Variants in MYO7B observed in about 807,000 individuals in gnomAD.
MYO7B encodes unconventional myosin-VIIb.
Under a neutral mutation model 259.7 loss-of-function variants are expected in MYO7B, and 212 were observed. The ratio of observed to expected loss-of-function variants is 0.82; its 90% confidence interval spans 0.73 to 0.91. The LOEUF (loss-of-function observed/expected upper bound fraction) is 0.91, where lower values mean the gene tolerates loss of function less well. MYO7B is among the 40% of genes least tolerant of loss of function. The pLI is 0.00. For missense variants in MYO7B, 2,732 were observed against 2,813.5 expected (o/e 0.97, Z 0.66); for synonymous variants, 1,197 against 1,166.4 (o/e 1.03, Z -0.54).
intron 1 of MYO7B, among the ~76,000 whole-genome samples, chr2:127,541,414 C>T (rs1460310496): frequency 6.6e-6 from 1 of 152,212 alleles, no homozygotes; most frequent in Admixed American, 6.5e-5. Flanking sequence ...GTAAACCAAG[C>T]ATTTTAGTGC....
In MYO7B at chr2:127,596,286, T is replaced by A. The variant is rs1387023438; in HGVS notation, c.2245-176T>A. ...AGTTCTTGGATTGGGGTGGGAGGTA[T>A]AGTTGCAGCTCCTGTCTCTGAGCAA... On this transcript the variant is annotated intron_variant, in intron 18 of 47. Coordinates refer to ENST00000409816, the MANE Select transcript of MYO7B (RefSeq NM_001393586.1). 2.0e-5 allele frequency among the ~76,000 whole-genome samples: 3 copies of A among 152,172 alleles called. No homozygotes were observed. The East Asian group carries it at 5.8e-4, about 29-fold the overall frequency.
rs556159298 is a variant in MYO7B, at chr2:127,607,554, C to T, written c.2643+130C>T. ...TTGGAAAATCCCCCCGCCCCCGCCACAAGCCAAGACGTTAAAATCTGTTCA... is the reference window on the plus strand; with the variant it reads ...TTGGAAAATCCCCCCGCCCCCGCCATAAGCCAAGACGTTAAAATCTGTTCA... On this transcript the variant is annotated intron_variant, in intron 21 of 47. Transcript: ENST00000409816. The surrounding 1 kb of genome is among the most constrained non-coding windows in gnomAD (Gnocchi z 4.4). The T allele has an allele frequency of 1.3e-6, 1 of 748,072 alleles. No homozygotes were observed. Among genetic ancestry groups the T allele is most frequent in the African/African-American group, 1.8e-5 (1 of 56,608 alleles). The allele number at this position is 748,072 out of a possible 1,614,324, so 46.3% of individuals were successfully genotyped here.
chr2:127,557,599 CT>C (rs1677884592), intron 1 of MYO7B, among the ~76,000 whole-genome samples: 1 of 152,134 alleles, frequency 6.6e-6, no homozygotes, highest in Non-Finnish European at 1.5e-5. Context: ...GGGTGTTCCC[CT>C]GATGTAGTAC....
chr2:127,556,384 T>A (rs1186439413), intron 1 of MYO7B, among the ~76,000 whole-genome samples: 2 of 152,238 alleles, frequency 1.3e-5, no homozygotes, highest in Admixed American at 6.5e-5. Flanking sequence ...ATTTAGGCCA[T>A]TTACATTCAA....
Position 127,629,625 on chromosome 2 carries a change from T to C in MYO7B, c.4625-20T>C. On this transcript the variant is annotated intron_variant, in intron 34 of 47. Transcript: ENST00000409816. ...TGGCCCCTGCAGAGCCCTCAGCAAA[T>C]AGCCTCCCTGCCCTTACAGATGACA... 1 of 1,605,968 alleles carries C rather than the reference T, an allele frequency of 6.2e-7. No individual in the cohort carries two copies. Among genetic ancestry groups the C allele is most frequent in the Non-Finnish European group, 8.5e-7 (1 of 1,176,884 alleles).
rs1573627880 is a variant in MYO7B, at chr2:127,565,429, G to A, written c.285+44G>A. Reference sequence around the variant, plus strand: ...GTGTCCACAGGGGAGCCCCTCACAGGTGCCAACCTCCTGGACAGGGAGAAG... The same window carrying A: ...GTGTCCACAGGGGAGCCCCTCACAGATGCCAACCTCCTGGACAGGGAGAAG... On this transcript the variant is annotated intron_variant, in intron 4 of 47. Coordinates refer to ENST00000409816, the MANE Select transcript of MYO7B (RefSeq NM_001393586.1). 8.1e-6 allele frequency: 13 copies of A among 1,604,624 alleles called. No individual in the cohort carries two copies. The East Asian group carries it at 2.5e-4, about 30-fold the overall frequency.
intron 10 of MYO7B, among the ~76,000 whole-genome samples, chr2:127,581,629 C>T (rs1679101494): frequency 6.6e-6 from 1 of 152,200 alleles, no homozygotes; most frequent in Non-Finnish European, 1.5e-5. Flanking sequence ...ATCCCTCCCT[C>T]ACCCTCATTT....
intron 17 of MYO7B, 66 bp from the exon 18 acceptor site, chr2:127,593,480 C>A (rs1471112768): frequency 1.4e-6 from 2 of 1,476,528 alleles, no homozygotes; most frequent in African/African-American, 1.4e-5. Flanking sequence ...GGAGACACCA[C>A]CCCCAGAGAG....
In MYO7B at chr2:127,627,379, G is replaced by C. The variant is rs1681192959; in HGVS notation, c.4460+69G>C. On this transcript the variant is annotated intron_variant, in intron 33 of 47. Transcript: ENST00000409816. The surrounding 1 kb of genome is among the most constrained non-coding windows in gnomAD (Gnocchi z 5.6). ...TGTGATGCATCTGGGGGCTCGGGGA[G>C]AGATGGGGAGAGGGGCAGTGTGCCG... 6.7e-7 allele frequency: 1 copy of C among 1,503,656 alleles called. No individual in the cohort carries two copies. The highest frequency in any genetic ancestry group is 9.1e-7 in the Non-Finnish European group (1 of 1,099,946). 93.1% of individuals were successfully genotyped at this position (1,503,656 alleles called of 1,614,324 possible).
intron 17 of MYO7B, among the ~76,000 whole-genome samples, chr2:127,593,169 C>A (rs4662742): frequency 0.56 from 84,588 of 152,056 alleles, 24,452 homozygotes; most frequent in South Asian, 0.76. Context: ...GGAGAGCTGG[C>A]GGCCGCAGCG....
chr2:127,548,793 T>C (rs1403048737), intron 1 of MYO7B, among the ~76,000 whole-genome samples: 1 of 152,232 alleles, frequency 6.6e-6, no homozygotes, highest in Non-Finnish European at 1.5e-5. Context: ...AATTTCGATG[T>C]GATATTTTCA....
At chr2:127,549,684 T>A (rs1392877521) in intron 1 of MYO7B, among the ~76,000 whole-genome samples, 1 of 152,092 alleles carries the variant, frequency 6.6e-6, no homozygotes, top group Non-Finnish European at 1.5e-5. Context: ...CCATGGCATA[T>A]CTGAGGGACA....
chr2:127,554,376 A>G (rs1693561414), intron 1 of MYO7B, among the ~76,000 whole-genome samples: 1 of 152,180 alleles, frequency 6.6e-6, no homozygotes, highest in Non-Finnish European at 1.5e-5. Context: ...GCCCGGACGT[A>G]TCACATTTAT....
chr2:127,609,689 T>A lies in MYO7B; in HGVS notation c.2998T>A (p.Tyr1000Asn). ...IRRPLRYPLL[Y>N]HEDDTDCLAA... ...GCGGCCCCTCCGATACCCGTTGCTTTACCACGAAGATGACACTGACTGCTT... is the reference window on the plus strand; with the variant it reads ...GCGGCCCCTCCGATACCCGTTGCTTAACCACGAAGATGACACTGACTGCTT... Residue 1000 changes from tyrosine to asparagine, a missense_variant, in exon 23 of 48, where the codon TAC becomes AAC. This residue lies in a region of MYO7B where 1,906 missense variants were observed against 2,026.4 expected (regional missense o/e 0.94). Transcript: ENST00000409816. The surrounding 1 kb of genome is among the most constrained non-coding windows in gnomAD (Gnocchi z 6.9). 6.2e-7 allele frequency: 1 copy of A among 1,613,938 alleles called. No homozygotes were observed.
chr2:127,603,134 A>G (rs1680028722), intron 19 of MYO7B, among the ~76,000 whole-genome samples: 1 of 152,152 alleles, frequency 6.6e-6, no homozygotes, highest in African/African-American at 2.4e-5. Context: ...TTCTTCCTCC[A>G]CTGAAGTCTT....
intron 30 of MYO7B, among the ~76,000 whole-genome samples, chr2:127,625,086 C>A (rs114216587): frequency 6.6e-6 from 1 of 152,180 alleles, no homozygotes; most frequent in African/African-American, 2.4e-5. Flanking sequence ...GATGAGGAAA[C>A]GCCTTGTCAC....
chr2:127,627,225 T>C lies in MYO7B; in HGVS notation c.4375T>C (p.Trp1459Arg). ...PKTQLILAVN[W>R]KGLCFLDQQE... ...GACGCAGCTGATCTTGGCTGTTAAC[T>C]GGAAGGGGCTTTGCTTCCTGGACCA... The change falls in exon 33 of 48, where the codon TGG (tryptophan) becomes CGG (arginine). Residue 1459 changes from tryptophan to arginine, a missense_variant. Coordinates refer to ENST00000409816, the MANE Select transcript of MYO7B (RefSeq NM_001393586.1). The surrounding 1 kb of genome is among the most constrained non-coding windows in gnomAD (Gnocchi z 5.6). 6.2e-7 allele frequency: 1 copy of C among 1,611,074 alleles called. No homozygotes were observed. Among genetic ancestry groups the C allele is most frequent in the Non-Finnish European group, 8.5e-7 (1 of 1,178,876 alleles).
chr2:127,600,538 C>A (rs112878890), intron 19 of MYO7B, among the ~76,000 whole-genome samples: 14,418 of 152,202 alleles, frequency 0.095, 946 homozygotes, highest in Middle Eastern at 0.17. Flanking sequence ...GGCGAAACCC[C>A]GTCTCTACTA....
intron 26 of MYO7B, 29 bp downstream of exon 26, chr2:127,612,632 T>C: frequency 1.9e-6 from 3 of 1,605,582 alleles, no homozygotes; most frequent in Non-Finnish European, 2.5e-6. Context: ...CCCGGCCCCA[T>C]TCAGAGCATC....
Sources: allele counts gnomAD v4.1 joint callset (sites outside exome capture counted in the v4.1 genomes callset), GRCh38; gene constraint gnomAD v4.1.1; regional missense constraint gnomAD v4.1.1; non-coding constraint Gnocchi (gnomAD v3.1); transcripts MANE v1.5; gene names NCBI Gene and HGNC (gene_info 2026-07-23, HGNC 2026-07-21).